The following TSGA10 variants were observed in gnomAD, a reference collection of about 807,000 sequenced individuals.
The protein encoded by TSGA10 is testis specific 10.
A neutral mutation model predicts 96.6 loss-of-function variants in TSGA10; 43 were observed. The ratio of observed to expected loss-of-function variants is 0.44; its 90% confidence interval spans 0.35 to 0.57. TSGA10 has a LOEUF of 0.57. TSGA10 is among the 20% of genes least tolerant of loss of function. The pLI, the probability that TSGA10 is intolerant of heterozygous loss-of-function variation, is 0.01. For synonymous variants in TSGA10, 229 were observed against 269.9 expected (o/e 0.85, Z 1.48); for missense variants, 703 against 834.4 (o/e 0.84, Z 1.94).
In TSGA10 at chr2:99,066,397, A is replaced by C. The variant is rs144812150; in HGVS notation, c.1219-1273T>G. On this transcript the variant is annotated intron_variant, in intron 15 of 20. Transcript: ENST00000393483. ...GGTGCTTGTACAATATACTTAAACGAATTGTATTCACATTGATCTTTACCC... is the reference window on the plus strand; with the variant it reads ...GGTGCTTGTACAATATACTTAAACGCATTGTATTCACATTGATCTTTACCC... 8.1e-3 allele frequency among the ~76,000 whole-genome samples: 1,236 copies of C among 152,264 alleles called. 3 individuals carry two copies. The highest frequency in any genetic ancestry group is 0.014 in the Middle Eastern group (4 of 294).
intron 11 of TSGA10, 152 bp from the exon 12 acceptor site, chr2:99,078,965 A>AT (rs1211069262): frequency 6.7e-6 from 4 of 598,190 alleles, no homozygotes; most frequent in South Asian, 4.7e-5. Context: ...AATTAAAAAA[A>AT]TTTTTTTGGT....
intron 9 of TSGA10, among the ~76,000 whole-genome samples, chr2:99,104,576 G>A (rs1458170392): frequency 6.6e-6 from 1 of 151,918 alleles, no homozygotes; most frequent in Non-Finnish European, 1.5e-5. Flanking sequence ...CCGGGTGCAA[G>A]CAATTCTCCT....
intron 1 of TSGA10, among the ~76,000 whole-genome samples, chr2:99,136,445 A>G (rs958953490): frequency 6.6e-6 from 1 of 152,214 alleles, no homozygotes; most frequent in Non-Finnish European, 1.5e-5. Flanking sequence ...CAGCATGATT[A>G]CTGCTACATC....
chr2:99,123,262 T>C (rs1440204695), intron 2 of TSGA10, among the ~76,000 whole-genome samples: 2 of 152,208 alleles, frequency 1.3e-5, no homozygotes, highest in African/African-American at 4.8e-5. Context: ...ATCTGTTTTA[T>C]GTCTTTGTGT....
intron 1 of TSGA10, chr2:99,147,622 G>T: frequency 1.2e-6 from 1 of 804,238 alleles, no homozygotes; most frequent in South Asian, 2.4e-5. Context: ...GATTTCAAAT[G>T]CCATGTTTTA....
intron 16 of TSGA10, 64 bp downstream of exon 16, chr2:99,064,875 G>T: frequency 7.3e-7 from 1 of 1,366,912 alleles, no homozygotes; most frequent in Admixed American, 2.5e-5. Context: ...ATTTATGGAA[G>T]GCCAAACAAA....
chr2:99,022,324 C>CAAAAA (rs56381088), intron 17 of TSGA10, among the ~76,000 whole-genome samples: 2 of 43,906 alleles, frequency 4.6e-5, no homozygotes, highest in African/African-American at 7.1e-5. Context: ...GACCCTGTCT[C>CAAAAA]AAAAAAAAAA....
chr2:99,058,174 T>C (rs2084219248), intron 16 of TSGA10, among the ~76,000 whole-genome samples: 1 of 152,136 alleles, frequency 6.6e-6, no homozygotes, highest in South Asian at 2.1e-4. Context: ...CTTTTCAAAG[T>C]GATGAAAATG....
chr2:99,059,144 C>T (rs1424237561), intron 16 of TSGA10, among the ~76,000 whole-genome samples: 2 of 148,962 alleles, frequency 1.3e-5, no homozygotes, highest in Non-Finnish European at 3.0e-5. Context: ...CCTTGCACCA[C>T]GAGTGCAGCC....
intron 17 of TSGA10, among the ~76,000 whole-genome samples, chr2:99,028,665 A>G (rs1558771720): frequency 6.7e-6 from 1 of 149,088 alleles, no homozygotes; most frequent in Non-Finnish European, 1.5e-5. Context: ...ACTCTCTGTC[A>G]AACTCACAGA....
rs537847450 is a variant in TSGA10 at position 99,071,637 on chromosome 2, G to A, written c.1107+69C>T. 936 of 1,457,980 alleles carry A rather than the reference G, an allele frequency of 6.4e-4. 13 individuals carry two copies. The South Asian group carries it at 0.012, about 18-fold the overall frequency. The allele number at this position is 1,457,980 out of a possible 1,614,324, so 90.3% of individuals were successfully genotyped here. On this transcript the variant is annotated intron_variant, in intron 14 of 20. Coordinates refer to ENST00000393483, the MANE Select transcript of TSGA10 (RefSeq NM_025244.4). ...TCTGAGCTCTTCTATAAAATAAAAT[G>A]AGGGCTGTTCCTCACAAGAAATTCA... is the stretch of plus-strand genomic sequence containing the variant.
intron 20 of TSGA10, among the ~76,000 whole-genome samples, chr2:99,002,078 G>C (rs973017736): frequency 3.3e-5 from 5 of 152,164 alleles, no homozygotes; most frequent in African/African-American, 7.2e-5. Flanking sequence ...TATTATCCAG[G>C]AGAACTTCCC....
Position 99,112,317 on chromosome 2 carries a change from C to T in TSGA10, c.-139-1402G>A, listed in dbSNP as rs540596750. On this transcript the variant is annotated intron_variant, in intron 4 of 20. Coordinates refer to ENST00000393483, the MANE Select transcript of TSGA10 (RefSeq NM_025244.4). The stretch of plus-strand genomic sequence containing the variant: ...TCAAAATATGTTAGTGATTGCATCC[C>T]TCAAAAAAATAATACAAGGAGCGCT... Among the ~76,000 whole-genome samples, 11 of 152,072 alleles carry T rather than the reference C, an allele frequency of 7.2e-5. No homozygotes were observed. In the South Asian group the frequency reaches 8.3e-4, roughly 11 times the overall value.
At chr2:99,026,733 CT>C (rs2080616193) in intron 17 of TSGA10, among the ~76,000 whole-genome samples, 1 of 152,034 alleles carries the variant, frequency 6.6e-6, no homozygotes, top group Admixed American at 6.6e-5. Flanking sequence ...CAAAGCAGCT[CT>C]TTTAAATATG....
chr2:99,133,602 T>G (rs534234163), intron 1 of TSGA10, among the ~76,000 whole-genome samples: 1 of 152,324 alleles, frequency 6.6e-6, no homozygotes, highest in Non-Finnish European at 1.5e-5. Flanking sequence ...GTTAATATTG[T>G]TATGTTTGAA....
chr2:99,102,030 A>C, intron 10 of TSGA10: 1 of 1,384,942 alleles, frequency 7.2e-7, no homozygotes, highest in Non-Finnish European at 1.0e-6. Flanking sequence ...AGAATTAAAG[A>C]AGTACAGCCA....
intron 2 of TSGA10, among the ~76,000 whole-genome samples, chr2:99,124,273 G>A (rs2092715446): frequency 6.6e-6 from 1 of 152,162 alleles, no homozygotes; most frequent in Non-Finnish European, 1.5e-5. Flanking sequence ...CTTCTTTGGA[G>A]AAATGTCTGT....
chr2:99,059,481 A>G (rs553375158), intron 16 of TSGA10, among the ~76,000 whole-genome samples: 36 of 134,750 alleles, frequency 2.7e-4, no homozygotes, highest in Non-Finnish European at 4.3e-4. Flanking sequence ...TTAAAAATAC[A>G]AAAAAAAATT....
intron 2 of TSGA10, among the ~76,000 whole-genome samples, chr2:99,124,167 T>C (rs1472642589): frequency 1.3e-5 from 2 of 152,246 alleles, no homozygotes; most frequent in African/African-American, 2.4e-5. Flanking sequence ...ACCACCCTAA[T>C]GGGTATGAAG....
Sources: allele counts gnomAD v4.1 joint callset (sites outside exome capture counted in the v4.1 genomes callset), GRCh38; gene constraint gnomAD v4.1.1; transcripts MANE v1.5; gene names NCBI Gene and HGNC (gene_info 2026-07-23, HGNC 2026-07-21).